Variants in ATP10A observed in about 807,000 individuals in gnomAD.
The protein encoded by ATP10A is ATPase phospholipid transporting 10A (putative).
Under a neutral mutation model 147.8 loss-of-function variants are expected in ATP10A, and 111 were observed. That is an observed-to-expected ratio of 0.75 (90% CI 0.64 to 0.88). ATP10A has a LOEUF of 0.88. Among genes scored for constraint, ATP10A ranks in the 40% least tolerant of loss-of-function variants. ATP10A has a pLI of 0.00. For missense variants in ATP10A, 1,927 were observed against 1,959.0 expected (o/e 0.98, Z 0.31); for synonymous variants, 875 against 841.6 (o/e 1.04, Z -0.69).
At chr15:25,863,378 G>C (rs539819066), upstream of ATP10A, among the ~76,000 whole-genome samples, 51 of 151,880 alleles carry the variant, frequency 3.4e-4, no homozygotes, top group African/African-American at 1.2e-3. Context: ...CCCCCGGCCC[G>C]GGTCGTTTCC....
At chr15:25,791,895 G>C (rs1890443258) in intron 1 of ATP10A, among the ~76,000 whole-genome samples, 1 of 152,064 alleles carries the variant, frequency 6.6e-6, no homozygotes, top group Non-Finnish European at 1.5e-5. Context: ...AAATATATCT[G>C]ACTTCTCCAG....
chr15:25,720,219 A>G (rs563674297), intron 7 of ATP10A, among the ~76,000 whole-genome samples: 6 of 152,258 alleles, frequency 3.9e-5, no homozygotes, highest in African/African-American at 1.2e-4. Context: ...CATGGGGTGC[A>G]ATGTGATGTT....
intron 1 of ATP10A, among the ~76,000 whole-genome samples, chr15:25,784,601 C>T (rs796797185): frequency 1.8e-4 from 27 of 152,246 alleles, no homozygotes; most frequent in African/African-American, 6.3e-4. Context: ...AGGGGTTCCT[C>T]ATGGGCTGCA....
In ATP10A at chr15:25,783,659, T is replaced by C. The variant is rs150262972; in HGVS notation, c.450-2436A>G. Reference sequence around the variant, plus strand: ...GCACTACGTTGGGAACAAAGATACATTAGATGATGCGGTTCTGACCTCGAA... The same window carrying C: ...GCACTACGTTGGGAACAAAGATACACTAGATGATGCGGTTCTGACCTCGAA... On this transcript the variant is annotated intron_variant, in intron 1 of 20. Coordinates refer to ENST00000555815, the MANE Select transcript of ATP10A (RefSeq NM_024490.4). 1.9e-3 allele frequency among the ~76,000 whole-genome samples: 288 copies of C among 152,314 alleles called. 3 individuals carry two copies. Among genetic ancestry groups the C allele is most frequent in the African/African-American group, 6.4e-3 (267 of 41,570 alleles).
At chr15:25,825,784 C>A (rs1394690980) in intron 1 of ATP10A, among the ~76,000 whole-genome samples, 1 of 151,884 alleles carries the variant, frequency 6.6e-6, no homozygotes. Flanking sequence ...ATGCCATTTT[C>A]AACAACAAAA....
At chr15:25,768,179 A>T (rs115014158) in intron 2 of ATP10A, among the ~76,000 whole-genome samples, 6,745 of 152,238 alleles carry the variant, frequency 0.044, 199 homozygotes, top group African/African-American at 0.085. Flanking sequence ...CCTTCACAGG[A>T]CACAGCACGC....
chr15:25,783,433 C>T (rs1890017611), intron 1 of ATP10A, among the ~76,000 whole-genome samples: 1 of 151,520 alleles, frequency 6.6e-6, no homozygotes, highest in African/African-American at 2.4e-5. Flanking sequence ...AGCCACACGC[C>T]AATTTTCTCT....
chr15:25,702,764 T>G (rs535710367), intron 12 of ATP10A, among the ~76,000 whole-genome samples: 11 of 152,222 alleles, frequency 7.2e-5, no homozygotes, highest in Non-Finnish European at 1.2e-4. Context: ...TTTTTTTTTT[T>G]TTTTTTAAGA....
intron 1 of ATP10A, among the ~76,000 whole-genome samples, chr15:25,817,932 T>C (rs1891733840): frequency 6.6e-6 from 1 of 152,256 alleles, no homozygotes; most frequent in African/African-American, 2.4e-5. Flanking sequence ...CAAAGTTGTA[T>C]TCATTTTTGG....
chr15:25,755,411 G>A (rs994456643), intron 2 of ATP10A, among the ~76,000 whole-genome samples: 1 of 152,120 alleles, frequency 6.6e-6, no homozygotes, highest in Non-Finnish European at 1.5e-5. Flanking sequence ...ACTACTTATG[G>A]GCCAGGCAAT....
Position 25,759,411 on chromosome 15 carries a change from T to A in ATP10A, c.654+21608A>T, listed in dbSNP as rs1295678525. ...ACTAAAATTAGAAAATTTAAGTTTT[T>A]AAAAAACTGAGCATTAGTATGAAAA... On this transcript the variant is annotated intron_variant, in intron 2 of 20. Coordinates refer to ENST00000555815, the MANE Select transcript of ATP10A (RefSeq NM_024490.4). Among the ~76,000 whole-genome samples the A allele has an allele frequency of 3.3e-5, 5 of 152,288 alleles. No individual in the cohort carries two copies. The East Asian group carries it at 5.8e-4, about 18-fold the overall frequency.
chr15:25,734,027 C>G (rs1347819709), intron 3 of ATP10A, among the ~76,000 whole-genome samples: 2 of 152,188 alleles, frequency 1.3e-5, no homozygotes, highest in Non-Finnish European at 2.9e-5. Context: ...GGGTACACAG[C>G]CAGGCAAGGG....
chr15:25,838,921 G>A (rs1439468707), intron 1 of ATP10A, among the ~76,000 whole-genome samples: 1 of 152,162 alleles, frequency 6.6e-6, no homozygotes, highest in East Asian at 1.9e-4. Context: ...CACCTGCCCC[G>A]AGTTCACTGT....
intron 2 of ATP10A, among the ~76,000 whole-genome samples, chr15:25,750,411 A>G (rs561768703): frequency 9.9e-4 from 150 of 152,250 alleles, no homozygotes; most frequent in Non-Finnish European, 1.6e-3. Flanking sequence ...AGCTGAAAAA[A>G]AATTCCTCAC....
chr15:25,798,452 C>A (rs1293116202), intron 1 of ATP10A, among the ~76,000 whole-genome samples: 2 of 152,184 alleles, frequency 1.3e-5, no homozygotes, highest in Non-Finnish European at 2.9e-5. Flanking sequence ...CCTCAGCAGA[C>A]ACCCACGCAA....
intron 16 of ATP10A, among the ~76,000 whole-genome samples, chr15:25,685,975 T>G (rs1233600258): frequency 6.6e-6 from 1 of 152,070 alleles, no homozygotes; most frequent in African/African-American, 2.4e-5. Flanking sequence ...GGCTTACAAC[T>G]GTGCACTTGA....
rs187454036 is a variant in ATP10A, at chr15:25,778,687, G to A, written c.654+2332C>T. Among the ~76,000 whole-genome samples the A allele has an allele frequency of 2.0e-5, 3 of 152,262 alleles. No homozygotes were observed. In the East Asian group the frequency reaches 5.8e-4, roughly 29 times the overall value. ...CAGCATTCCTGGGGCCCTGAGAAGGGTGACGTAGATGTGTTGGTCTGCAGC... is the reference window on the plus strand; with the variant it reads ...CAGCATTCCTGGGGCCCTGAGAAGGATGACGTAGATGTGTTGGTCTGCAGC... On this transcript the variant is annotated intron_variant, in intron 2 of 20. Coordinates refer to ENST00000555815, the MANE Select transcript of ATP10A (RefSeq NM_024490.4).
At chr15:25,832,413 T>C (rs1160119141) in intron 1 of ATP10A, among the ~76,000 whole-genome samples, 1 of 152,232 alleles carries the variant, frequency 6.6e-6, no homozygotes, top group Non-Finnish European at 1.5e-5. Flanking sequence ...CAGCTGCCTG[T>C]GAGTGTGCCG....
chr15:25,829,883 AAGGGAAGAC>A (rs1344557628), intron 1 of ATP10A, among the ~76,000 whole-genome samples: 1 of 152,172 alleles, frequency 6.6e-6, no homozygotes, highest in East Asian at 1.9e-4. Flanking sequence ...ACTCCCAGGG[AAGGGAAGAC>A]AGTGAGGCTT....
Sources: allele counts gnomAD v4.1 joint callset (sites outside exome capture counted in the v4.1 genomes callset), GRCh38; gene constraint gnomAD v4.1.1; transcripts MANE v1.5; gene names NCBI Gene and HGNC (gene_info 2026-07-23, HGNC 2026-07-21).